The following MBD5 variants were observed in gnomAD, a reference collection of about 807,000 sequenced individuals.
MBD5 encodes the protein methyl-CpG binding domain protein 5, also known as methyl-CpG-binding domain protein 5.
Under a neutral mutation model 117.3 loss-of-function variants are expected in MBD5, and 13 were observed. The observed-to-expected ratio is 0.11, with a 90% CI of 0.07 to 0.18. The LOEUF is 0.18. Ranked by LOEUF, MBD5 falls within the 10% of genes least tolerant of loss-of-function variation. The pLI is 1.00. For missense variants in MBD5, 1,879 were observed against 2,093.8 expected, an observed-to-expected ratio of 0.90 and a Z score of 2.00; for synonymous variants, 727 against 766.4, an observed-to-expected ratio of 0.95 and a Z score of 0.85.
intron 2 of MBD5, among the ~76,000 whole-genome samples, chr2:148,215,448 T>C (rs1413686601): frequency 6.6e-6 from 1 of 152,214 alleles, no homozygotes; most frequent in Non-Finnish European, 1.5e-5. Flanking sequence ...TACTGATATA[T>C]AATTTATCCA....
intron 4 of MBD5, among the ~76,000 whole-genome samples, chr2:148,395,219 C>T (rs1445614811): frequency 6.6e-6 from 1 of 152,124 alleles, no homozygotes; most frequent in Non-Finnish European, 1.5e-5. Flanking sequence ...AGCTAGTTTC[C>T]TCATGTTCTA....
chr2:148,240,934 T>G (rs1574181082), intron 3 of MBD5, among the ~76,000 whole-genome samples: 2 of 152,128 alleles, frequency 1.3e-5, no homozygotes, highest in South Asian at 4.2e-4. Flanking sequence ...ACTTGGTTCT[T>G]TTTTATTGGT....
intron 2 of MBD5, among the ~76,000 whole-genome samples, chr2:148,189,263 A>G (rs929372087): frequency 3.4e-5 from 5 of 147,814 alleles, no homozygotes; most frequent in Non-Finnish European, 6.0e-5. Context: ...CCACAGCTCA[A>G]GGAGGCCTGC....
intron 3 of MBD5, among the ~76,000 whole-genome samples, chr2:148,255,000 G>A (rs1478010872): frequency 3.3e-5 from 5 of 152,210 alleles, no homozygotes; most frequent in African/African-American, 1.2e-4. Context: ...CCAGTTCTCT[G>A]CAGATGCTGA....
chr2:148,101,642 T>C (rs1300571930), intron 1 of MBD5, among the ~76,000 whole-genome samples: 2 of 152,212 alleles, frequency 1.3e-5, no homozygotes, highest in African/African-American at 4.8e-5. Flanking sequence ...TACTATTTTA[T>C]CATCTTTACA....
At chr2:148,435,819 A>G (rs976206518) in intron 4 of MBD5, among the ~76,000 whole-genome samples, 4 of 152,186 alleles carry the variant, frequency 2.6e-5, no homozygotes, top group African/African-American at 2.4e-5. Context: ...TTCATAGACA[A>G]TATCCTCAAA....
chr2:148,495,024 G>T (rs561316761), intron 11 of MBD5, among the ~76,000 whole-genome samples: 1 of 152,238 alleles, frequency 6.6e-6, no homozygotes, highest in South Asian at 2.1e-4. Context: ...AGTTATACTT[G>T]TTCTAAATAA....
intron 8 of MBD5, among the ~76,000 whole-genome samples, chr2:148,480,051 T>A (rs910255526): frequency 1.5e-4 from 23 of 152,086 alleles, no homozygotes; most frequent in African/African-American, 3.4e-4. Context: ...AGGGTTTTTT[T>A]AAAATTTTTA....
At chr2:148,264,244 A>C (rs576595318) in intron 3 of MBD5, 3 of 152,154 alleles carry the variant, frequency 2.0e-5, no homozygotes, top group Non-Finnish European at 2.9e-5. Flanking sequence ...GTGTGCTACA[A>C]TCGCTTAAGT....
intron 4 of MBD5, among the ~76,000 whole-genome samples, chr2:148,445,387 T>A (rs1165426553): frequency 6.6e-6 from 1 of 150,430 alleles, no homozygotes; most frequent in African/African-American, 2.5e-5. Context: ...ACATGCGGTG[T>A]TTGGTTTTTT....
chr2:148,444,835 C>T (rs1706439637), intron 4 of MBD5, among the ~76,000 whole-genome samples: 1 of 151,026 alleles, frequency 6.6e-6, no homozygotes, highest in Non-Finnish European at 1.5e-5. Context: ...CAGTAAGCTC[C>T]TTAAGGTGAG....
chr2:148,437,757 G>A (rs1483643756), intron 4 of MBD5, among the ~76,000 whole-genome samples: 1 of 151,912 alleles, frequency 6.6e-6, no homozygotes, highest in African/African-American at 2.4e-5. Flanking sequence ...GAAGAAATAG[G>A]CCAAAAAGTG....
rs140513793 is a variant in MBD5, at chr2:148,146,548, T to G, written c.-924-32152T>G. On this transcript the variant is annotated intron_variant, in intron 1 of 13. Coordinates refer to ENST00000642680, the MANE Select transcript of MBD5 (RefSeq NM_001378120.1). ...CACCCCGCCTGGCCTTGTATTTGCC[T>G]TTTGACATTTTAGTTTGATGTGTTT... Among the ~76,000 whole-genome samples the G allele has an allele frequency of 4.1e-4, 63 of 152,302 alleles. 1 individual carries two copies. The highest frequency in any genetic ancestry group is 2.5e-3 in the South Asian group (12 of 4,828).
intron 2 of MBD5, among the ~76,000 whole-genome samples, chr2:148,232,711 T>C (rs572055771): frequency 1.3e-5 from 2 of 151,982 alleles, no homozygotes; most frequent in African/African-American, 2.4e-5. Context: ...TAGATACTTT[T>C]TAATAAAATA....
At chr2:148,487,253 A>G (rs1574481744) in intron 10 of MBD5, among the ~76,000 whole-genome samples, 1 of 152,198 alleles carries the variant, frequency 6.6e-6, no homozygotes, top group Admixed American at 6.5e-5. Context: ...GAACATCTTT[A>G]TGTTCAAGGG....
At chr2:148,326,509 T>A (rs1702456428) in intron 3 of MBD5, among the ~76,000 whole-genome samples, 1 of 152,312 alleles carries the variant, frequency 6.6e-6, no homozygotes, top group Middle Eastern at 3.4e-3. Context: ...GCTTTATGAA[T>A]CTGGGTGCTC....
At chr2:148,208,295 A>G (rs1699334464) in intron 2 of MBD5, among the ~76,000 whole-genome samples, 2 of 152,150 alleles carry the variant, frequency 1.3e-5, no homozygotes, top group Non-Finnish European at 2.9e-5. Flanking sequence ...TCTGTTGCCC[A>G]GGCTGGAGTG....
intron 2 of MBD5, among the ~76,000 whole-genome samples, chr2:148,211,688 A>T (rs572141558): frequency 7.9e-5 from 12 of 152,096 alleles, no homozygotes; most frequent in Non-Finnish European, 1.6e-4. Flanking sequence ...CCCTACAATA[A>T]CTCATCTTGA....
At chr2:148,354,131 C>G (rs770307110) in intron 4 of MBD5, among the ~76,000 whole-genome samples, 19 of 152,160 alleles carry the variant, frequency 1.2e-4, no homozygotes, top group Non-Finnish European at 2.4e-4. Flanking sequence ...TTCTGGAATA[C>G]ATGTGCAGAA....
Sources: allele counts gnomAD v4.1 joint callset (sites outside exome capture counted in the v4.1 genomes callset), GRCh38; gene constraint gnomAD v4.1.1; transcripts MANE v1.5; gene names NCBI Gene and HGNC (gene_info 2026-07-23, HGNC 2026-07-21).